VWA8: variants seen among roughly 807,000 people sequenced by gnomAD.
VWA8 encodes the protein von Willebrand factor A domain containing 8, also known as von Willebrand factor A domain-containing protein 8.
In VWA8, 221 loss-of-function variants were observed where a neutral mutation model predicts 241.5. That is an observed-to-expected ratio of 0.91 (90% CI 0.82 to 1.02). The LOEUF (loss-of-function observed/expected upper bound fraction) is 1.02. Ranked by LOEUF, VWA8 falls within the 50% of genes least tolerant of loss-of-function variation. The pLI, the probability that VWA8 is intolerant of heterozygous loss-of-function variation, is 0.00. For missense variants in VWA8, 2,322 were observed against 2,328.7 expected (o/e 1.00, Z 0.06); for synonymous variants, 852 against 827.1 (o/e 1.03, Z -0.52).
rs2139626757 is a variant in VWA8, at chr13:41,567,815, T to G, written c.*382A>C. 1 of 164,214 alleles carries G rather than the reference T, an allele frequency of 6.1e-6. No homozygotes were observed. The highest frequency in any genetic ancestry group is 1.3e-5 in the Non-Finnish European group (1 of 75,764). The allele number at this position is 164,214 out of a possible 1,614,324, so 10.2% of individuals were successfully genotyped here. ...ATGTGACATCAAAGGCTCAGTTTGA[T>G]GGGGTCACTTTTCTAACGTGACCAG... On this transcript the variant is annotated 3_prime_UTR_variant, in exon 45 of 45. Coordinates refer to ENST00000379310, the MANE Select transcript of VWA8 (RefSeq NM_015058.2).
At chr13:41,688,486 C>T (rs959854845) in intron 34 of VWA8, among the ~76,000 whole-genome samples, 3 of 152,054 alleles carry the variant, frequency 2.0e-5, no homozygotes, top group Non-Finnish European at 2.9e-5. Flanking sequence ...AGGAAGATGT[C>T]GCCCAGTTTC....
At chr13:41,591,793 A>G (rs2044456698) in intron 40 of VWA8, among the ~76,000 whole-genome samples, 1 of 147,510 alleles carries the variant, frequency 6.8e-6, no homozygotes, top group Non-Finnish European at 1.5e-5. Flanking sequence ...TTAGAATGGC[A>G]ATCATTAAAA....
Position 41,763,290 on chromosome 13 carries a change from A to AAAATAAATAAATAAAT in VWA8, c.2350-2102_2350-2087dup, listed in dbSNP as rs59623577. Among the ~76,000 whole-genome samples, 370 of 139,694 alleles carry AAAATAAATAAATAAAT rather than the reference A, an allele frequency of 2.6e-3. 2 individuals are homozygous for AAAATAAATAAATAAAT. The highest frequency in any genetic ancestry group is 0.012 in the South Asian group (49 of 4,026). The allele number at this position is 139,694 out of a possible 152,430, so 91.6% of individuals were successfully genotyped here. A position where few individuals can be genotyped will look rare whatever the true frequency, so the allele number is the denominator to read the frequency against. ...GTGATGGAGCAAGACTCCACCTGTA[A>AAAATAAATAAATAAAT]AAATAAATAAATAAATAAATAGATA... On this transcript the variant is annotated intron_variant, in intron 20 of 44. Coordinates refer to ENST00000379310, the MANE Select transcript of VWA8 (RefSeq NM_015058.2).
intron 38 of VWA8, 149 bp from the exon 39 acceptor site, chr13:41,611,881 T>C: frequency 2.1e-6 from 2 of 939,430 alleles, no homozygotes; most frequent in Non-Finnish European, 3.1e-6. Flanking sequence ...GAAAAAGATG[T>C]ATTCTCTTGT....
At chr13:41,733,819 A>G (rs2045504273) in intron 21 of VWA8, among the ~76,000 whole-genome samples, 1 of 152,196 alleles carries the variant, frequency 6.6e-6, no homozygotes, top group Non-Finnish European at 1.5e-5. Context: ...TCCCCCACCT[A>G]GAACATGTCT....
chr13:41,936,408 G>C (rs573366629), intron 2 of VWA8, among the ~76,000 whole-genome samples: 1 of 152,194 alleles, frequency 6.6e-6, no homozygotes, highest in East Asian at 1.9e-4. Flanking sequence ...ATTTACATGA[G>C]ATACTTGTAT....
In VWA8 at chr13:41,670,797, T is replaced by C. The variant is rs1593686789; in HGVS notation, c.4611+149A>G. 46 of 907,304 alleles carry C rather than the reference T, an allele frequency of 5.1e-5. 2 individuals are homozygous for C. In the East Asian group the frequency reaches 1.1e-3, roughly 22 times the overall value. The allele number at this position is 907,304 out of a possible 1,614,324, so 56.2% of individuals were successfully genotyped here. ...CATTTAGATGGAGAATTTGTTTTTG[T>C]CTTTTTATTTTGTATCTAAAAATTC... On this transcript the variant is annotated intron_variant, in intron 37 of 44. Coordinates refer to ENST00000379310, the MANE Select transcript of VWA8 (RefSeq NM_015058.2).
intron 42 of VWA8, among the ~76,000 whole-genome samples, chr13:41,578,702 T>A: frequency 6.6e-6 from 1 of 152,214 alleles, no homozygotes; most frequent in East Asian, 1.9e-4. Flanking sequence ...ATCCTCACTG[T>A]CATTATCAAA....
intron 4 of VWA8, among the ~76,000 whole-genome samples, chr13:41,903,736 A>G (rs539988567): frequency 1.2e-3 from 178 of 152,344 alleles, no homozygotes; most frequent in African/African-American, 4.2e-3. Flanking sequence ...GATGTAGGCC[A>G]TATTACAGGG....
chr13:41,845,664 A>T (rs997464811), intron 12 of VWA8, among the ~76,000 whole-genome samples: 1 of 152,194 alleles, frequency 6.6e-6, no homozygotes, highest in Non-Finnish European at 1.5e-5. Context: ...CATCCTCTGC[A>T]GCAACATGGA....
At chr13:41,897,210 T>C (rs561462131) in intron 4 of VWA8, among the ~76,000 whole-genome samples, 1 of 151,416 alleles carries the variant, frequency 6.6e-6, no homozygotes, top group South Asian at 2.1e-4. Context: ...GGAACTCAAA[T>C]CAATTGCAAA....
chr13:41,642,771 A>G (rs1319730171), intron 37 of VWA8, among the ~76,000 whole-genome samples: 1 of 147,992 alleles, frequency 6.8e-6, no homozygotes, highest in Non-Finnish European at 1.5e-5. Flanking sequence ...TCTACTAAAA[A>G]TAAGAAGATT....
chr13:41,718,086 CAATT>C (rs1297145005), intron 26 of VWA8, among the ~76,000 whole-genome samples: 1 of 151,724 alleles, frequency 6.6e-6, no homozygotes. Flanking sequence ...TTAACCTTAC[CAATT>C]AATATGTATT....
At chr13:41,879,816 A>G (rs1444135082) in intron 9 of VWA8, among the ~76,000 whole-genome samples, 1 of 152,180 alleles carries the variant, frequency 6.6e-6, no homozygotes, top group Non-Finnish European at 1.5e-5. Context: ...ACCATTCCAT[A>G]TGCTTAACGT....
intron 42 of VWA8, among the ~76,000 whole-genome samples, chr13:41,583,559 C>T (rs966058144): frequency 3.3e-5 from 5 of 149,398 alleles, no homozygotes; most frequent in African/African-American, 1.2e-4. Context: ...AGAAGAATCG[C>T]TTGAACCTGG....
rs1874562678 is a variant in VWA8 at position 41,886,797 on chromosome 13, T to G, written c.850A>C (p.Asn284His). ...QLKLLYSIGA[N>H]VSAEKVSQLL... ...TATACTTACTTCTCAGCAGAAACATTGGCTCCAATTGAATATAACAACTTA... is the reference window on the plus strand; with the variant it reads ...TATACTTACTTCTCAGCAGAAACATGGGCTCCAATTGAATATAACAACTTA... The change falls in exon 7 of 45, where the codon AAT (asparagine) becomes CAT (histidine). Residue 284 changes from asparagine to histidine, a missense_variant. Transcript: ENST00000379310. 3.1e-6 allele frequency: 5 copies of G among 1,593,294 alleles called. No homozygotes were observed. Among genetic ancestry groups the G allele is most frequent in the South Asian group, 2.3e-5 (2 of 86,334 alleles).
chr13:41,654,221 G>A (rs556944648), intron 37 of VWA8, among the ~76,000 whole-genome samples: 50 of 152,216 alleles, frequency 3.3e-4, no homozygotes, highest in African/African-American at 1.2e-3. Context: ...TAAAATTAAT[G>A]GATGAAAGTT....
chr13:41,927,483 C>A, intron 2 of VWA8: 1 of 209,492 alleles, frequency 4.8e-6, no homozygotes, highest in South Asian at 7.7e-5. Context: ...AGAAGAGAGA[C>A]AAGGAATTAA....
intron 40 of VWA8, among the ~76,000 whole-genome samples, chr13:41,596,539 A>G (rs1457015860): frequency 6.6e-6 from 1 of 152,020 alleles, no homozygotes; most frequent in Non-Finnish European, 1.5e-5. Context: ...ATATATTCCT[A>G]TTGCATGAAG....
Sources: allele counts gnomAD v4.1 joint callset (sites outside exome capture counted in the v4.1 genomes callset), GRCh38; gene constraint gnomAD v4.1.1; transcripts MANE v1.5; gene names NCBI Gene and HGNC (gene_info 2026-07-23, HGNC 2026-07-21).